The following SYNDIG1 variants were observed in gnomAD, a reference collection of about 807,000 sequenced individuals.
The protein encoded by SYNDIG1 is synapse differentiation-inducing gene protein 1.
Under a neutral mutation model 19.4 loss-of-function variants are expected in SYNDIG1, and 9 were observed. The observed-to-expected ratio is 0.46, with a 90% CI of 0.28 to 0.81. The LOEUF (loss-of-function observed/expected upper bound fraction) is 0.81. Among genes scored for constraint, SYNDIG1 ranks in the 30% least tolerant of loss-of-function variants. SYNDIG1 has a pLI of 0.12. For synonymous variants in SYNDIG1, 141 were observed against 145.9 expected, an observed-to-expected ratio of 0.97 and a Z score of 0.24; for missense variants, 311 against 343.3, an observed-to-expected ratio of 0.91 and a Z score of 0.74.
intron 2 of SYNDIG1, among the ~76,000 whole-genome samples, chr20:24,571,619 T>C (rs986794902): frequency 5.9e-5 from 9 of 152,202 alleles, no homozygotes; most frequent in African/African-American, 1.9e-4. Flanking sequence ...TAACTAAAAA[T>C]ATCACTTAAA....
chr20:24,553,243 T>C (rs2057742309), intron 2 of SYNDIG1, among the ~76,000 whole-genome samples: 1 of 152,054 alleles, frequency 6.6e-6, no homozygotes, highest in Admixed American at 6.6e-5. Flanking sequence ...GCGAAAATTT[T>C]CTCCCATTTT....
intron 3 of SYNDIG1, among the ~76,000 whole-genome samples, chr20:24,627,180 C>T (rs867273624): frequency 1.3e-5 from 2 of 150,096 alleles, no homozygotes; most frequent in African/African-American, 4.9e-5. Context: ...AGAGCGAGAG[C>T]GAGAGCTGCC....
chr20:24,649,755 A>G (rs1414948400), intron 3 of SYNDIG1, among the ~76,000 whole-genome samples: 3 of 152,200 alleles, frequency 2.0e-5, no homozygotes, highest in African/African-American at 7.2e-5. Flanking sequence ...CCCATGGACT[A>G]CATGGTTTCT....
chr20:24,529,167 C>G (rs1314981914), intron 1 of SYNDIG1, among the ~76,000 whole-genome samples: 1 of 152,218 alleles, frequency 6.6e-6, no homozygotes, highest in African/African-American at 2.4e-5. Flanking sequence ...ACAATCTTAT[C>G]AGTTAAATCT....
chr20:24,526,389 TTCCA>T (rs1344110732), intron 1 of SYNDIG1, among the ~76,000 whole-genome samples: 1 of 152,152 alleles, frequency 6.6e-6, no homozygotes, highest in African/African-American at 2.4e-5. Context: ...TTAGAAATGT[TTCCA>T]TTCATTTGGT....
At chr20:24,595,804 G>GT (rs535893758) in intron 3 of SYNDIG1, among the ~76,000 whole-genome samples, 7 of 152,054 alleles carry the variant, frequency 4.6e-5, no homozygotes, top group Admixed American at 3.9e-4. Context: ...CTCTCTGAGA[G>GT]TTTTTTTAAT....
At chr20:24,559,218 T>C (rs1411573362) in intron 2 of SYNDIG1, among the ~76,000 whole-genome samples, 1 of 152,220 alleles carries the variant, frequency 6.6e-6, no homozygotes, top group Non-Finnish European at 1.5e-5. Flanking sequence ...GAGGCTGTTA[T>C]CTTGAATGAA....
chr20:24,541,602 T>C (rs1312938577), intron 1 of SYNDIG1, among the ~76,000 whole-genome samples: 1 of 152,136 alleles, frequency 6.6e-6, no homozygotes, highest in Non-Finnish European at 1.5e-5. Flanking sequence ...CCCAGTCTTA[T>C]AAGATGATGA....
intron 1 of SYNDIG1, among the ~76,000 whole-genome samples, chr20:24,505,625 T>C (rs1322195995): frequency 6.6e-6 from 1 of 152,228 alleles, no homozygotes; most frequent in Non-Finnish European, 1.5e-5. Context: ...TCCGCCCATA[T>C]TTGCTGTCTT....
At chr20:24,571,328 A>G (rs1421793148) in intron 2 of SYNDIG1, among the ~76,000 whole-genome samples, 1 of 152,124 alleles carries the variant, frequency 6.6e-6, no homozygotes, top group Non-Finnish European at 1.5e-5. Context: ...TACCAATGTC[A>G]TTTTCTGGAT....
At chr20:24,544,736 T>C (rs774435440) in intron 2 of SYNDIG1, among the ~76,000 whole-genome samples, 1 of 152,094 alleles carries the variant, frequency 6.6e-6, no homozygotes, top group Non-Finnish European at 1.5e-5. Flanking sequence ...TGGCTGAGCA[T>C]CAGCACAGCC....
chr20:24,560,558 C>G (rs2057920301), intron 2 of SYNDIG1, among the ~76,000 whole-genome samples: 1 of 151,766 alleles, frequency 6.6e-6, no homozygotes, highest in South Asian at 2.1e-4. Flanking sequence ...TCATTGTCAT[C>G]ATGTTTTCCT....
intron 1 of SYNDIG1, among the ~76,000 whole-genome samples, chr20:24,541,129 T>C (rs2057459831): frequency 6.6e-6 from 1 of 152,216 alleles, no homozygotes; most frequent in African/African-American, 2.4e-5. Context: ...CCATTAATAG[T>C]TCCACTTTCA....
chr20:24,603,790 G>A (rs1353108451), intron 3 of SYNDIG1, among the ~76,000 whole-genome samples: 1 of 152,198 alleles, frequency 6.6e-6, no homozygotes, highest in Non-Finnish European at 1.5e-5. Context: ...AAGGAAATGA[G>A]CAGAGACATT....
At chr20:24,543,695 G>T in intron 2 of SYNDIG1, 118 bp downstream of exon 2, 1 of 1,399,804 alleles carries the variant, frequency 7.1e-7, no homozygotes, top group East Asian at 2.3e-5. Context: ...CAAAAATGCA[G>T]AAACCAAAGG....
At chr20:24,480,003 G>A (rs144465104) in intron 1 of SYNDIG1, among the ~76,000 whole-genome samples, 241 of 152,238 alleles carry the variant, frequency 1.6e-3, no homozygotes, top group African/African-American at 5.4e-3. Context: ...GGTCCCACAC[G>A]TGCACGCGCG....
intron 1 of SYNDIG1, among the ~76,000 whole-genome samples, chr20:24,539,140 G>A (rs908896571): frequency 6.6e-6 from 1 of 152,092 alleles, no homozygotes; most frequent in Non-Finnish European, 1.5e-5. Context: ...TGTTGCCTCT[G>A]CCTTTGGTGT....
At chr20:24,477,149 G>A (rs1000735827) in intron 1 of SYNDIG1, among the ~76,000 whole-genome samples, 2 of 152,132 alleles carry the variant, frequency 1.3e-5, no homozygotes, top group Non-Finnish European at 2.9e-5. Context: ...AAAAACATGC[G>A]TCACACTCTT....
chr20:24,654,742 A>G (rs1452485977), intron 3 of SYNDIG1, among the ~76,000 whole-genome samples: 3 of 152,124 alleles, frequency 2.0e-5, no homozygotes, highest in Non-Finnish European at 4.4e-5. Flanking sequence ...TCAAATCAAC[A>G]TTTTAGAACA....
Sources: allele counts gnomAD v4.1 joint callset (sites outside exome capture counted in the v4.1 genomes callset), GRCh38; gene constraint gnomAD v4.1.1; transcripts MANE v1.5; gene names NCBI Gene and HGNC (gene_info 2026-07-23, HGNC 2026-07-21).